ABHD11: variants seen among roughly 807,000 people sequenced by gnomAD.
The protein encoded by ABHD11 is abhydrolase domain containing 11, also known as sn-1-specific diacylglycerol lipase ABHD11.
Under a neutral mutation model 29.0 loss-of-function variants are expected in ABHD11, and 26 were observed. The ratio of observed to expected loss-of-function variants is 0.90; its 90% CI spans 0.66 to 1.24. The LOEUF (loss-of-function observed/expected upper bound fraction) is 1.24. Among genes scored for constraint, ABHD11 ranks in the 50% most tolerant of loss-of-function variants. The pLI is 0.00. For synonymous variants in ABHD11, 169 were observed against 166.4 expected, an observed-to-expected ratio of 1.02 and a Z score of -0.12; for missense variants, 381 against 422.4, an observed-to-expected ratio of 0.90 and a Z score of 0.86.
chr7:73,738,274 G>GCCCCCCCCCCAACCCCC, intron 2 of ABHD11, 54 bp downstream of exon 2: 2 of 1,357,198 alleles, frequency 1.5e-6, no homozygotes, highest in African/African-American at 2.9e-5. Context: ...CTCCTCTCAG[G>GCCCCCCCCCCAACCCCC]CCCCGCCCAC....
Position 73,736,280 on chromosome 7 carries a change from C to T in ABHD11, c.*279G>A. On this transcript the variant is annotated 3_prime_UTR_variant, in exon 6 of 6. Transcript: ENST00000222800. Reference sequence around the variant, plus strand: ...TTTGAGACAGAGTCTTGCTCTGTTGCCTAGGCTGGAGTGTAGTGGTGTGAT... The same window carrying T: ...TTTGAGACAGAGTCTTGCTCTGTTGTCTAGGCTGGAGTGTAGTGGTGTGAT... 1.9e-6 allele frequency: 1 copy of T among 517,544 alleles called. No individual in the cohort carries two copies. The highest frequency in any genetic ancestry group is 3.7e-6 in the Non-Finnish European group (1 of 268,442). The allele number at this position is 517,544 out of a possible 1,614,324, so 32.1% of individuals were successfully genotyped here.
chr7:73,738,097 T>TG (rs1388056410), intron 2 of ABHD11: 2 of 819,062 alleles, frequency 2.4e-6, no homozygotes, highest in Non-Finnish European at 4.2e-6. Flanking sequence ...GGCCCCTTCA[T>TG]GGAAAGGGTG....
In ABHD11 at chr7:73,737,349, C is replaced by T; in HGVS notation, c.478G>A (p.Val160Met). 20 of 1,613,906 alleles carry T rather than the reference C, an allele frequency of 1.2e-5. No homozygotes were observed. Among genetic ancestry groups the T allele is most frequent in the Non-Finnish European group, 1.7e-5 (20 of 1,180,014 alleles). ...ERLIAVDISP[V>M]ESTGVSHFAT... Reference sequence around the variant, plus strand: ...AAGTGGGAGACACCTGTGCTTTCCACTGGGCTGATATCTACAGCAATGAGA... The same window carrying T: ...AAGTGGGAGACACCTGTGCTTTCCATTGGGCTGATATCTACAGCAATGAGA... Residue 160 changes from valine (V) to methionine (M), a missense_variant, in exon 4 of 6, where the codon GTG (valine) becomes ATG (methionine). By Grantham distance (21) the Val-to-Met change is conservative (BLOSUM62 1). Transcript: ENST00000222800.
intron 2 of ABHD11, 58 bp downstream of exon 2, chr7:73,738,270 T>G: frequency 6.0e-6 from 8 of 1,343,224 alleles, no homozygotes; most frequent in Non-Finnish European, 8.3e-6. Flanking sequence ...CCGCCTCCTC[T>G]CAGGCCCCGC....
At chr7:73,737,438 A>C (rs782496232) in intron 3 of ABHD11, 47 bp from the exon 4 acceptor site, 1 of 1,580,882 alleles carries the variant, frequency 6.3e-7, no homozygotes, top group Non-Finnish European at 8.6e-7. Context: ...AGACATAGGG[A>C]GTCTCAGGCA....
intron 2 of ABHD11, 191 bp from the exon 3 acceptor site, chr7:73,737,926 GC>G: frequency 2.1e-6 from 2 of 952,492 alleles, no homozygotes; most frequent in Non-Finnish European, 3.3e-6. Context: ...AGAAGAGCAG[GC>G]CCCAGGGTTG....
Position 73,736,800 on chromosome 7 carries a change from C to T in ABHD11, c.789-109G>A, listed in dbSNP as rs1204137994. 5 of 1,582,520 alleles carry T rather than the reference C, an allele frequency of 3.2e-6. No homozygotes were observed. The African/African-American group carries it at 6.7e-5, about 21-fold the overall frequency. On this transcript the variant is annotated intron_variant, in intron 5 of 5. Transcript: ENST00000222800. ...AGAAATGGAGAGAGCTGTGTGAGCC[C>T]ATATGCCCGGTGGTATTTCTGGCCT...
At position 73,737,741 on chromosome 7, in the gene ABHD11, G is replaced by C; in HGVS notation, c.262-6C>G. Reference sequence around the variant, plus strand: ...CGAGCATCCACCGTCAGCACCTGGGGAGTGGGGTGAGACGGGGCTGCGTTG... The same window carrying C: ...CGAGCATCCACCGTCAGCACCTGGGCAGTGGGGTGAGACGGGGCTGCGTTG... On this transcript the variant is annotated splice_polypyrimidine_tract_variant and splice_region_variant and intron_variant, in intron 2 of 5. Transcript: ENST00000222800. The C allele has an allele frequency of 6.2e-7, 1 of 1,607,416 alleles. No homozygotes were observed. The highest frequency in any genetic ancestry group is 1.1e-5 in the South Asian group (1 of 90,326).
chr7:73,737,313 C>T lies in ABHD11; in HGVS notation c.514G>A (p.Val172Met), dbSNP rs61745525. Reference protein sequence around the residue: ...STGVSHFATYVAAMRAINIAD... With the variant: ...STGVSHFATYMAAMRAINIAD... ...ATGTTGATGGCCCTCATGGCTGCCA[C>T]ATAGGTTGCAAAGTGGGAGACACCT... The change falls in exon 4 of 6, where the codon GTG (valine) becomes ATG (methionine). Residue 172 changes from valine to methionine, a missense_variant. Transcript: ENST00000222800. 7.0e-3 allele frequency: 11,281 copies of T among 1,614,062 alleles called. 640 individuals are homozygous for T. The African/African-American group carries it at 0.12, about 18-fold the overall frequency.
chr7:73,738,792 TCGCATCTCACAAGGTACGTCCTCCC>T (rs1554623156), exon 1 of ABHD11: 1 of 1,591,600 alleles, frequency 6.3e-7, no homozygotes, highest in Non-Finnish European at 8.6e-7. Context: ...GTTGGCCGGC[TCGCATCTCACAAGGTACGTCCTCCC>T]CGCGCTCCTT....
At position 73,737,054 on chromosome 7, in the gene ABHD11, G is replaced by A. The variant is rs537791221; in HGVS notation, c.663C>T (p.Phe221=). 8.5e-5 allele frequency: 138 copies of A among 1,614,116 alleles called. 4 individuals carry two copies. The South Asian group carries it at 1.1e-3, about 13-fold the overall frequency. The change falls in exon 5 of 6, where the codon TTC becomes TTT. Residue 221 remains phenylalanine (F), a synonymous_variant. Coordinates refer to ENST00000222800, the MANE Select transcript of ABHD11 (RefSeq NM_148912.4). ...LTNLVEVDGR[F]VWRVNLDALT... ...GGGCATCCAAGTTCACCCTCCACACGAAGCGCCCGTCTACCTCTACCAGGT... is the reference window on the plus strand; with the variant it reads ...GGGCATCCAAGTTCACCCTCCACACAAAGCGCCCGTCTACCTCTACCAGGT...
At chr7:73,737,959 G>A (rs973127300) in intron 2 of ABHD11, 29 of 817,924 alleles carry the variant, frequency 3.5e-5, no homozygotes, top group Non-Finnish European at 5.6e-5. Flanking sequence ...CTGAAGGGCT[G>A]GCCTGGCTGG....
rs782486126 is a variant in ABHD11 at position 73,736,943 on chromosome 7, G to A, written c.774C>T (p.Asn258=). ...LGPTLFLLGG[N]SQFVHPSHHP... is the part of the protein sequence containing the mutation. ...GGCTAGCTTACTGCACGAACTGGGAGTTTCCACCAAGGAGAAAGAGTGTTG... is the reference window on the plus strand; with the variant it reads ...GGCTAGCTTACTGCACGAACTGGGAATTTCCACCAAGGAGAAAGAGTGTTG... The change falls in exon 5 of 6, where the codon AAC becomes AAT. Residue 258 remains asparagine (N), a synonymous_variant. Transcript: ENST00000222800. 8.7e-6 allele frequency: 14 copies of A among 1,613,440 alleles called. No homozygotes were observed. Among genetic ancestry groups the A allele is most frequent in the East Asian group, 6.7e-5 (3 of 44,874 alleles).
chr7:73,737,837 G>A (rs1563600109), intron 2 of ABHD11, 102 bp from the exon 3 acceptor site: 5 of 1,478,440 alleles, frequency 3.4e-6, no homozygotes, highest in Non-Finnish European at 4.5e-6. Context: ...GAGAGCCTGG[G>A]GATACACCCT....
At position 73,736,193 on chromosome 7, in the gene ABHD11, T is replaced by C. The variant is rs1799849894; in HGVS notation, c.*366A>G. On this transcript the variant is annotated 3_prime_UTR_variant, in exon 6 of 6. Transcript: ENST00000222800. Reference sequence around the variant, plus strand: ...CTGTCTGAGTCCTTCTGTGCCCAAATGTGGAGCAGGCTGCAGAGACTTGAA... The same window carrying C: ...CTGTCTGAGTCCTTCTGTGCCCAAACGTGGAGCAGGCTGCAGAGACTTGAA... 1 of 460,448 alleles carries C rather than the reference T, an allele frequency of 2.2e-6. No homozygotes were observed. Among genetic ancestry groups the C allele is most frequent in the Non-Finnish European group, 4.4e-6 (1 of 229,504 alleles). The allele number at this position is 460,448 out of a possible 1,614,324, so 28.5% of individuals were successfully genotyped here.
intron 1 of ABHD11, 52 bp downstream of exon 1, chr7:73,738,594 G>A (rs970943888): frequency 5.7e-6 from 9 of 1,569,128 alleles, no homozygotes; most frequent in Non-Finnish European, 7.8e-6. Context: ...GTCGGGGCCC[G>A]GCAGGAAAAG....
At chr7:73,738,246 G>A in intron 2 of ABHD11, 82 bp downstream of exon 2, 1 of 1,467,996 alleles carries the variant, frequency 6.8e-7, no homozygotes, top group South Asian at 1.2e-5. Flanking sequence ...GTGAGAAGCG[G>A]GACCCCCCCT....
intron 3 of ABHD11, 50 bp downstream of exon 3, chr7:73,737,512 C>T (rs1800025272): frequency 3.8e-6 from 6 of 1,562,252 alleles, no homozygotes; most frequent in Non-Finnish European, 5.2e-6. Flanking sequence ...CCTGCAGGGC[C>T]CTCAGGGTAT....
chr7:73,736,605 T>C lies in ABHD11; in HGVS notation c.875A>G (p.Asp292Gly). ...VPNAGHWIHA[D>G]RPQDFIAAIR... ...GGCAGCTATGAAGTCCTGTGGGCGG[T>C]CAGCGTGGATCCAGTGGCCAGCGTT... Residue 292 changes from aspartate to glycine, a missense_variant, in exon 6 of 6, where the codon GAC (aspartate) becomes GGC (glycine). By Grantham distance (94) the Asp-to-Gly change is moderately conservative. Coordinates refer to ENST00000222800, the MANE Select transcript of ABHD11 (RefSeq NM_148912.4). The C allele has an allele frequency of 1.9e-6, 3 of 1,613,878 alleles. No individual in the cohort carries two copies. The highest frequency in any genetic ancestry group is 2.5e-6 in the Non-Finnish European group (3 of 1,179,984).
Sources: allele counts gnomAD v4.1 joint callset, GRCh38; gene constraint gnomAD v4.1.1; transcripts MANE v1.5; gene names NCBI Gene and HGNC (gene_info 2026-07-23, HGNC 2026-07-21).